ST3GAL4: variants seen among roughly 807,000 people sequenced by gnomAD.
ST3GAL4 encodes the protein CMP-N-acetylneuraminate-beta-galactosamide-alpha-2,3-sialyltransferase 4.
In ST3GAL4, 24 loss-of-function variants were observed where a neutral mutation model predicts 42.6. The ratio of observed to expected loss-of-function variants is 0.56; its 90% CI spans 0.41 to 0.79. The LOEUF is 0.79. ST3GAL4 is among the 30% of genes least tolerant of loss of function. ST3GAL4 has a pLI of 0.00. For synonymous variants in ST3GAL4, 135 were observed against 163.2 expected, an observed-to-expected ratio of 0.83 and a Z score of 1.32; for missense variants, 311 against 430.8, an observed-to-expected ratio of 0.72 and a Z score of 2.46.
chr11:126,374,957 G>A (rs1348833156), intron 1 of ST3GAL4: 4 of 152,108 alleles, frequency 2.6e-5, no homozygotes, highest in East Asian at 1.9e-4. Flanking sequence ...CGTGGGCAGC[G>A]GACACTAAGC....
chr11:126,401,476 A>G (rs1265115276), intron 1 of ST3GAL4, among the ~76,000 whole-genome samples: 1 of 151,730 alleles, frequency 6.6e-6, no homozygotes, highest in Admixed American at 6.6e-5. Flanking sequence ...CACAAGAATC[A>G]CTTGAACCTA....
chr11:126,359,325 C>A lies in ST3GAL4; in HGVS notation c.-61+3483C>A, dbSNP rs1421705152. Among the ~76,000 whole-genome samples, 2 of 151,946 alleles carry A rather than the reference C, an allele frequency of 1.3e-5. No homozygotes were observed. Among genetic ancestry groups the A allele is most frequent in the Non-Finnish European group, 1.5e-5 (1 of 68,004 alleles). On this transcript the variant is annotated intron_variant, in intron 1 of 10. Coordinates refer to ENST00000444328, the MANE Select transcript of ST3GAL4 (RefSeq NM_001254757.2). This position sits in a 1 kb window ranked among gnomAD's most constrained non-coding sequence, Gnocchi z 4.8. ...AAAAAAAAAAAAGATGTGCTAGACA[C>A]TTTACGTCCCTTCATGTGAGCTTCA...
intron 1 of ST3GAL4, among the ~76,000 whole-genome samples, chr11:126,402,626 G>T (rs1398380653): frequency 6.6e-6 from 1 of 152,172 alleles, no homozygotes; most frequent in African/African-American, 2.4e-5. Context: ...GCTCTGAGGG[G>T]CTGGGCATCA....
At chr11:126,362,314 C>G (rs1285586844) in intron 1 of ST3GAL4, among the ~76,000 whole-genome samples, 1 of 151,606 alleles carries the variant, frequency 6.6e-6, no homozygotes, top group African/African-American at 2.4e-5. Context: ...ATTCTCCTAC[C>G]TCAGCCTCCC....
chr11:126,363,242 TTCTG>T lies in ST3GAL4; in HGVS notation c.-61+7405_-61+7408del, dbSNP rs1952308907. Among the ~76,000 whole-genome samples the T allele has an allele frequency of 6.6e-6, 1 of 152,222 alleles. No homozygotes were observed. Among genetic ancestry groups the T allele is most frequent in the South Asian group, 2.1e-4 (1 of 4,832 alleles). Reference sequence around the variant, plus strand: ...GCCGTGCTCTTCTTCTTCAATCCCTTTCTGTCTGCCTTCTCTTTCCACCCCTAGA... The same window carrying T: ...GCCGTGCTCTTCTTCTTCAATCCCTTTCTGCCTTCTCTTTCCACCCCTAGA... On this transcript the variant is annotated intron_variant, in intron 1 of 10. Transcript: ENST00000444328. The surrounding 1 kb of genome is among the most constrained non-coding windows in gnomAD (Gnocchi z 4.6).
At position 126,409,525 on chromosome 11, in the gene ST3GAL4, A is replaced by AT. The variant is rs1954424305; in HGVS notation, c.771+118dup. The AT allele has an allele frequency of 7.0e-7, 1 of 1,438,718 alleles. No homozygotes were observed. The allele number at this position is 1,438,718 out of a possible 1,614,324, so 89.1% of individuals were successfully genotyped here. ...TCCCATAACAGAGGCGGCGGTTTGC[A>AT]TTTTCCCTCCAGGAACACACCTGTC... On this transcript the variant is annotated intron_variant, in intron 9 of 10. Transcript: ENST00000444328. This position sits in a 1 kb window ranked among gnomAD's most constrained non-coding sequence, Gnocchi z 4.9.
In ST3GAL4 at chr11:126,384,228, G is replaced by A. The variant is rs532254137; in HGVS notation, c.-60-21868G>A. 6.6e-6 allele frequency among the ~76,000 whole-genome samples: 1 copy of A among 152,320 alleles called. No homozygotes were observed. Among genetic ancestry groups the A allele is most frequent in the Non-Finnish European group, 1.5e-5 (1 of 68,036 alleles). On this transcript the variant is annotated intron_variant, in intron 1 of 10. Coordinates refer to ENST00000444328, the MANE Select transcript of ST3GAL4 (RefSeq NM_001254757.2). This position sits in a 1 kb window ranked among gnomAD's most constrained non-coding sequence, Gnocchi z 5.5. ...GTCTCAGTGCCCAGCAGTTGTTCTG[G>A]TGATGGGAGGTGGGAGTACAAGGTC... is the stretch of plus-strand genomic sequence containing the variant.
At chr11:126,389,667 T>A (rs1953394596) in intron 1 of ST3GAL4, among the ~76,000 whole-genome samples, 1 of 152,178 alleles carries the variant, frequency 6.6e-6, no homozygotes, top group South Asian at 2.1e-4. Context: ...TGGGCTCAAG[T>A]GATCCTCCCA....
intron 1 of ST3GAL4, among the ~76,000 whole-genome samples, chr11:126,387,551 C>T (rs1953276677): frequency 6.6e-6 from 1 of 151,870 alleles, no homozygotes; most frequent in South Asian, 2.1e-4. Context: ...GTGGTATGTG[C>T]GTGTGGTCGC....
rs1485962206 is a variant in ST3GAL4 at position 126,363,258 on chromosome 11, T to C, written c.-61+7416T>C. ...TCAATCCCTTTCTGTCTGCCTTCTC[T>C]TTCCACCCCTAGATTTCTCACCATC... On this transcript the variant is annotated intron_variant, in intron 1 of 10. Coordinates refer to ENST00000444328, the MANE Select transcript of ST3GAL4 (RefSeq NM_001254757.2). The surrounding 1 kb of genome is among the most constrained non-coding windows in gnomAD (Gnocchi z 4.6). Among the ~76,000 whole-genome samples the C allele has an allele frequency of 6.6e-6, 1 of 152,250 alleles. No individual in the cohort carries two copies. Among genetic ancestry groups the C allele is most frequent in the East Asian group, 1.9e-4 (1 of 5,200 alleles).
At chr11:126,377,965 A>G (rs914209967) in intron 1 of ST3GAL4, among the ~76,000 whole-genome samples, 3 of 152,144 alleles carry the variant, frequency 2.0e-5, no homozygotes, top group Admixed American at 1.3e-4. Flanking sequence ...TTTTCAATTC[A>G]CTCAACTGAG....
In ST3GAL4 at chr11:126,391,387, T is replaced by G. The variant is rs1229356674; in HGVS notation, c.-60-14709T>G. On this transcript the variant is annotated intron_variant, in intron 1 of 10. Coordinates refer to ENST00000444328, the MANE Select transcript of ST3GAL4 (RefSeq NM_001254757.2). The surrounding 1 kb of genome is among the most constrained non-coding windows in gnomAD (Gnocchi z 5.5). ...ACTTAGCAACCTTGTGCCTGCTGAGTGGTGGAACAGTTCTGAAAAGGTCTG... is the reference window on the plus strand; with the variant it reads ...ACTTAGCAACCTTGTGCCTGCTGAGGGGTGGAACAGTTCTGAAAAGGTCTG... Among the ~76,000 whole-genome samples, 1 of 151,946 alleles carries G rather than the reference T, an allele frequency of 6.6e-6. No individual in the cohort carries two copies. The highest frequency in any genetic ancestry group is 1.5e-5 in the Non-Finnish European group (1 of 67,986).
Position 126,399,301 on chromosome 11 carries a change from CTTTTTT to C in ST3GAL4, c.-60-6779_-60-6774del, listed in dbSNP as rs58479155. Among the ~76,000 whole-genome samples the C allele has an allele frequency of 1.5e-4, 13 of 87,748 alleles. 1 individual carries two copies. Among genetic ancestry groups the C allele is most frequent in the Admixed American group, 6.6e-4 (4 of 6,050 alleles). The allele number at this position is 87,748 out of a possible 152,430, so 57.6% of individuals were successfully genotyped here. The stretch of plus-strand genomic sequence containing the variant: ...TATAAATTTCTTTCTTTCTTTCCTT[CTTTTTT>C]TTTTTTTTTTTTTTTGAGATGGAGT... On this transcript the variant is annotated intron_variant, in intron 1 of 10. Coordinates refer to ENST00000444328, the MANE Select transcript of ST3GAL4 (RefSeq NM_001254757.2).
intron 1 of ST3GAL4, among the ~76,000 whole-genome samples, chr11:126,357,422 G>A (rs921800499): frequency 2.0e-5 from 3 of 152,100 alleles, no homozygotes; most frequent in Non-Finnish European, 2.9e-5. Flanking sequence ...GGGCAGAGTG[G>A]GTGTCTTTAG....
intron 8 of ST3GAL4, chr11:126,408,798 G>A (rs926507998): frequency 8.5e-6 from 4 of 468,724 alleles, no homozygotes; most frequent in Non-Finnish European, 1.5e-5. Flanking sequence ...TGAGGAACTC[G>A]GGAGCTGAGC....
At chr11:126,412,720 G>A (rs1410396693) in intron 9 of ST3GAL4, among the ~76,000 whole-genome samples, 3 of 152,214 alleles carry the variant, frequency 2.0e-5, no homozygotes, top group Non-Finnish European at 2.9e-5. Context: ...CGCACAGTTA[G>A]TGCATGTCAG....
Position 126,408,448 on chromosome 11 carries a change from G to A in ST3GAL4, c.579G>A (p.Lys193=). 2 of 1,614,236 alleles carry A rather than the reference G, an allele frequency of 1.2e-6. No homozygotes were observed. The highest frequency in any genetic ancestry group is 1.3e-5 in the African/African-American group (1 of 75,068). The stretch of plus-strand genomic sequence containing the variant: ...CACTCCTCGTCCTGGTAGCTTTCAA[G>A]GCAATGGACTTCCACTGGATTGAGA... The part of the protein sequence containing the change: ...PDTLLVLVAF[K]AMDFHWIETI... Residue 193 remains lysine (K), a synonymous_variant, in exon 8 of 11, where the codon AAG becomes AAA. Transcript: ENST00000444328.
chr11:126,359,433 C>G lies in ST3GAL4; in HGVS notation c.-61+3591C>G, dbSNP rs556861558. ...GTTACTTGGCCAAGGTCATACAGCT[C>G]GTAAGCAGCTGAGCTAGGACTCAAA... On this transcript the variant is annotated intron_variant, in intron 1 of 10. Coordinates refer to ENST00000444328, the MANE Select transcript of ST3GAL4 (RefSeq NM_001254757.2). This position sits in a 1 kb window ranked among gnomAD's most constrained non-coding sequence, Gnocchi z 4.8. Among the ~76,000 whole-genome samples the G allele has an allele frequency of 6.6e-6, 1 of 152,162 alleles. No homozygotes were observed. The highest frequency in any genetic ancestry group is 1.5e-5 in the Non-Finnish European group (1 of 68,026).
chr11:126,409,504 A>G lies in ST3GAL4; in HGVS notation c.771+93A>G, dbSNP rs1954423011. The G allele has an allele frequency of 5.2e-6, 8 of 1,546,312 alleles. No homozygotes were observed. The highest frequency in any genetic ancestry group is 7.1e-6 in the Non-Finnish European group (8 of 1,133,184). On this transcript the variant is annotated intron_variant, in intron 9 of 10. Coordinates refer to ENST00000444328, the MANE Select transcript of ST3GAL4 (RefSeq NM_001254757.2). This position sits in a 1 kb window ranked among gnomAD's most constrained non-coding sequence, Gnocchi z 4.9. The stretch of plus-strand genomic sequence containing the variant: ...GCTTAGGAAGCCCTGGAAGGATCCC[A>G]TAACAGAGGCGGCGGTTTGCATTTT...
Sources: allele counts gnomAD v4.1 joint callset (sites outside exome capture counted in the v4.1 genomes callset), GRCh38; gene constraint gnomAD v4.1.1; non-coding constraint Gnocchi (gnomAD v3.1); transcripts MANE v1.5; gene names NCBI Gene and HGNC (gene_info 2026-07-23, HGNC 2026-07-21).